SNX25: variants seen among roughly 807,000 people sequenced by gnomAD.
SNX25 encodes the protein sorting nexin 25.
In SNX25, 62 loss-of-function variants were observed where a neutral mutation model predicts 113.7. That is an observed-to-expected ratio of 0.55 (90% CI 0.44 to 0.67). The LOEUF (loss-of-function observed/expected upper bound fraction) is 0.67, where lower values mean the gene tolerates loss of function less well. SNX25 is among the 30% of genes least tolerant of loss of function. The pLI is 0.00. For synonymous variants in SNX25, 421 were observed against 436.2 expected (o/e 0.97, Z 0.43); for missense variants, 1,014 against 1,161.0 (o/e 0.87, Z 1.84).
chr4:185,280,416 C>A (rs938792062), intron 5 of SNX25, among the ~76,000 whole-genome samples: 1 of 152,024 alleles, frequency 6.6e-6, no homozygotes, highest in African/African-American at 2.4e-5. Context: ...ATAGCATAAA[C>A]CCAGTTTTAT....
At chr4:185,238,062 CAA>C (rs10635995) in intron 1 of SNX25, among the ~76,000 whole-genome samples, 7,221 of 87,848 alleles carry the variant, frequency 0.082, 252 homozygotes, top group East Asian at 0.19. Flanking sequence ...GACTCCATCT[CAA>C]AAAAAAAAAA....
At chr4:185,268,402 G>T (rs1483884532) in intron 5 of SNX25, among the ~76,000 whole-genome samples, 1 of 152,056 alleles carries the variant, frequency 6.6e-6, no homozygotes, top group Non-Finnish European at 1.5e-5. Flanking sequence ...ATTTTAGGGG[G>T]TGTGTATTTT....
At chr4:185,218,225 C>T (rs549219683) in intron 1 of SNX25, among the ~76,000 whole-genome samples, 1 of 152,360 alleles carries the variant, frequency 6.6e-6, no homozygotes, top group Non-Finnish European at 1.5e-5. Context: ...GCTGGGATTA[C>T]AGGCGCCCGC....
rs190552691 is a variant in SNX25, at chr4:185,273,303, C to T, written c.1091+6148C>T. ...ATTTATTTATTTAGAGACAGGGTCTCACTCTGTCACCCAGGCTGGAGCGCA... is the reference window on the plus strand; with the variant it reads ...ATTTATTTATTTAGAGACAGGGTCTTACTCTGTCACCCAGGCTGGAGCGCA... On this transcript the variant is annotated intron_variant, in intron 5 of 18. Coordinates refer to ENST00000652585, the MANE Select transcript of SNX25 (RefSeq NM_001378034.2). 7.2e-5 allele frequency among the ~76,000 whole-genome samples: 11 copies of T among 152,326 alleles called. No individual in the cohort carries two copies. In the East Asian group the frequency reaches 2.1e-3, roughly 29 times the overall value.
chr4:185,308,521 T>C (rs1381025431), intron 6 of SNX25, among the ~76,000 whole-genome samples: 1 of 152,182 alleles, frequency 6.6e-6, no homozygotes. Context: ...GCTCACCCTC[T>C]TTCTTTCTTC....
intron 1 of SNX25, among the ~76,000 whole-genome samples, chr4:185,222,480 CCT>C (rs1221206747): frequency 3.3e-5 from 5 of 151,916 alleles, no homozygotes; most frequent in South Asian, 2.1e-4. Context: ...TATACCCCTC[CCT>C]CTCGGTAGGT....
chr4:185,266,616 C>T (rs983127099), intron 4 of SNX25, among the ~76,000 whole-genome samples: 2 of 152,190 alleles, frequency 1.3e-5, no homozygotes, highest in Non-Finnish European at 2.9e-5. Context: ...CCTGTCTCAG[C>T]CTCCCAAAGT....
chr4:185,213,965 G>A (rs1437738959), intron 1 of SNX25, among the ~76,000 whole-genome samples: 3 of 145,508 alleles, frequency 2.1e-5, no homozygotes, highest in Non-Finnish European at 4.5e-5. Flanking sequence ...ACAAGGTCTC[G>A]CTCTGTTGCT....
In SNX25 at chr4:185,209,633, GCC is replaced by G. The variant is rs1737403321; in HGVS notation, c.-192_-191del. 7.8e-6 allele frequency: 5 copies of G among 640,128 alleles called. No individual in the cohort carries two copies. The allele number at this position is 640,128 out of a possible 1,614,324, so 39.7% of individuals were successfully genotyped here. On this transcript the variant is annotated 5_prime_UTR_variant, in exon 1 of 19. Coordinates refer to ENST00000652585, the MANE Select transcript of SNX25 (RefSeq NM_001378034.2). The surrounding 1 kb of genome is among the most constrained non-coding windows in gnomAD (Gnocchi z 5.2). Reference sequence around the variant, plus strand: ...CGGTGGGGCTCCCTGGCTGCGCCCGGCCCGGCAGCTACGGGCCCAGCGCCTGG... The same window carrying G: ...CGGTGGGGCTCCCTGGCTGCGCCCGGCGGCAGCTACGGGCCCAGCGCCTGG...
Position 185,267,089 on chromosome 4 carries a change from C to T in SNX25, c.1025C>T (p.Pro342Leu). 1 of 1,613,938 alleles carries T rather than the reference C, an allele frequency of 6.2e-7. No homozygotes were observed. The highest frequency in any genetic ancestry group is 8.5e-7 in the Non-Finnish European group (1 of 1,179,938). ...EHHKRAYTYA[P>L]SYEDFIKLIN... is the part of the protein sequence containing the mutation. ...CACAAGAGAGCCTACACCTATGCCC[C>T]CTCTTACGAGGACTTCATCAAGCTC... The change falls in exon 5 of 19, where the codon CCC becomes CTC. Residue 342 changes from proline to leucine, a missense_variant. Coordinates refer to ENST00000652585, the MANE Select transcript of SNX25 (RefSeq NM_001378034.2).
chr4:185,252,442 A>G (rs970963028), intron 2 of SNX25, among the ~76,000 whole-genome samples: 1 of 152,204 alleles, frequency 6.6e-6, no homozygotes, highest in Non-Finnish European at 1.5e-5. Flanking sequence ...ACATTAAACA[A>G]TATACTTGTT....
intron 1 of SNX25, among the ~76,000 whole-genome samples, chr4:185,243,670 C>T (rs1312737313): frequency 6.6e-6 from 1 of 152,114 alleles, no homozygotes; most frequent in Admixed American, 6.5e-5. Flanking sequence ...TCCCCTTCCC[C>T]TAGCTCTTAG....
intron 9 of SNX25, among the ~76,000 whole-genome samples, chr4:185,330,382 T>C (rs778273265): frequency 4.3e-4 from 65 of 152,212 alleles, no homozygotes; most frequent in South Asian, 2.1e-4. Flanking sequence ...TGGTTTATGA[T>C]CTTGCTGACC....
chr4:185,344,728 T>C (rs1366346164), intron 12 of SNX25, among the ~76,000 whole-genome samples: 1 of 152,238 alleles, frequency 6.6e-6, no homozygotes, highest in Non-Finnish European at 1.5e-5. Context: ...CTCAGACTCC[T>C]CTTCTATGAA....
intron 1 of SNX25, among the ~76,000 whole-genome samples, chr4:185,225,906 T>C (rs770827144): frequency 2.0e-5 from 3 of 152,198 alleles, no homozygotes; most frequent in Non-Finnish European, 2.9e-5. Flanking sequence ...TTAAACACTT[T>C]ATTACCCTTT....
rs1380086681 is a variant in SNX25 at position 185,240,073 on chromosome 4, A to G, written c.430-7221A>G. On this transcript the variant is annotated intron_variant, in intron 1 of 18. Transcript: ENST00000652585. ...ACACAGCACATGTTTCAGAGAGCAC[A>G]GGGTTGGGGGTAAGGTCATAGATCA... Among the ~76,000 whole-genome samples, 9 of 151,766 alleles carry G rather than the reference A, an allele frequency of 5.9e-5. No homozygotes were observed. The South Asian group carries it at 1.3e-3, about 21-fold the overall frequency.
At chr4:185,310,530 C>A in intron 6 of SNX25, 105 bp from the exon 7 acceptor site, 1 of 829,538 alleles carries the variant, frequency 1.2e-6, no homozygotes, top group South Asian at 2.9e-5. Flanking sequence ...GTTTAGTATC[C>A]ACTTGGTTCA....
downstream of SNX25, chr4:185,365,311 TCTTTA>T (rs891058445): frequency 6.6e-5 from 10 of 152,312 alleles, no homozygotes; most frequent in South Asian, 6.2e-4. Flanking sequence ...TAAAAAGTGC[TCTTTA>T]CTTAGGGCCG....
intron 10 of SNX25, among the ~76,000 whole-genome samples, chr4:185,333,282 C>G (rs924017912): frequency 6.6e-6 from 1 of 152,166 alleles, no homozygotes; most frequent in Admixed American, 6.5e-5. Flanking sequence ...CTTTAGAATT[C>G]AACAAGGAGG....
Sources: allele counts gnomAD v4.1 joint callset (sites outside exome capture counted in the v4.1 genomes callset), GRCh38; gene constraint gnomAD v4.1.1; non-coding constraint Gnocchi (gnomAD v3.1); transcripts MANE v1.5; gene names NCBI Gene and HGNC (gene_info 2026-07-23, HGNC 2026-07-21).